Variants in TRMT2A observed in about 807,000 individuals in gnomAD.
The protein encoded by TRMT2A is tRNA (uracil-5-)-methyltransferase homolog A.
In TRMT2A, 60 loss-of-function variants were observed where a neutral mutation model predicts 59.3. The ratio of observed to expected loss-of-function variants is 1.01; its 90% CI spans 0.82 to 1.26. The LOEUF (loss-of-function observed/expected upper bound fraction) is 1.26. Among genes scored for constraint, TRMT2A ranks in the 50% most tolerant of loss-of-function variants. TRMT2A has a pLI of 0.00. For missense variants in TRMT2A, 863 were observed against 845.2 expected, an observed-to-expected ratio of 1.02 and a Z score of -0.26; for synonymous variants, 403 against 353.7, an observed-to-expected ratio of 1.14 and a Z score of -1.56.
chr22:20,112,296 C>T lies in TRMT2A; in HGVS notation c.*267G>A, dbSNP rs994842068. ...AGACCCCTGGCTCTCATCACAGAAACACCCTTTGTTGAGCAGTTGTTTATT... is the reference window on the plus strand; with the variant it reads ...AGACCCCTGGCTCTCATCACAGAAATACCCTTTGTTGAGCAGTTGTTTATT... On this transcript the variant is annotated 3_prime_UTR_variant, in exon 12 of 12. Coordinates refer to ENST00000252136, the MANE Select transcript of TRMT2A (RefSeq NM_022727.6). The T allele has an allele frequency of 1.9e-6, 1 of 519,272 alleles. No homozygotes were observed. The highest frequency in any genetic ancestry group is 3.4e-6 in the Non-Finnish European group (1 of 293,916). The allele number at this position is 519,272 out of a possible 1,614,324, so 32.2% of individuals were successfully genotyped here. A position where few individuals can be genotyped will look rare whatever the true frequency, so the allele number is the denominator to read the frequency against.
At chr22:20,115,574 G>A (rs769848054) in intron 3 of TRMT2A, 98 bp downstream of exon 3, 30 of 1,565,648 alleles carry the variant, frequency 1.9e-5, no homozygotes, top group African/African-American at 4.1e-5. Flanking sequence ...GTTACCAGAA[G>A]AAAACACAAA....
In TRMT2A at chr22:20,113,767, C is replaced by T. The variant is rs2049922066; in HGVS notation, c.1275G>A (p.Gln425=). The T allele has an allele frequency of 6.2e-7, 1 of 1,609,056 alleles. No individual in the cohort carries two copies. Among genetic ancestry groups the T allele is most frequent in the Admixed American group, 1.7e-5 (1 of 59,816 alleles). ...PAAEVLYTVI[Q]DWAQLDAGSM... is the part of the protein sequence containing the mutation. ...TCCCCGCATCCAATTGGGCCCAGTC[C>T]TGGATGACTGTGTAGAGCACCTCGG... The change falls in exon 8 of 12, where the codon CAG becomes CAA. Residue 425 remains glutamine, a synonymous_variant. Coordinates refer to ENST00000252136, the MANE Select transcript of TRMT2A (RefSeq NM_022727.6).
At chr22:20,116,667 C>T (rs2050032940) in intron 1 of TRMT2A, 55 bp from the exon 2 acceptor site, 2 of 1,504,964 alleles carry the variant, frequency 1.3e-6, no homozygotes, top group South Asian at 2.7e-5. Context: ...GGGGCCTGGC[C>T]CCCCAAGCTT....
chr22:20,115,270 T>A lies in TRMT2A; in HGVS notation c.886A>T (p.Ile296Phe). Residue 296 changes from isoleucine (I) to phenylalanine (F), a missense_variant, in exon 4 of 12, where the codon ATC becomes TTC. Coordinates refer to ENST00000252136, the MANE Select transcript of TRMT2A (RefSeq NM_022727.6). ...KQVVKAFQEF[I>F]RSTPYSAYDP... ...AGCCCCGTCACAGGTCCTCACCGGA[T>A]GAACTCCTGGAAGGCCTTCACCACC... 4.3e-6 allele frequency: 7 copies of A among 1,611,444 alleles called. No homozygotes were observed. Among genetic ancestry groups the A allele is most frequent in the Non-Finnish European group, 4.2e-6 (5 of 1,178,784 alleles).
chr22:20,115,956 C>T (rs930454146), intron 2 of TRMT2A, 82 bp downstream of exon 2: 26 of 1,485,414 alleles, frequency 1.8e-5, no homozygotes, highest in Middle Eastern at 1.9e-4. Context: ...TGCTGGGCCT[C>T]CCAACTGGTG....
At chr22:20,113,930 G>C (rs372236614) in intron 7 of TRMT2A, 122 bp from the exon 8 acceptor site, 1 of 1,321,430 alleles carries the variant, frequency 7.6e-7, no homozygotes, top group Non-Finnish European at 1.0e-6. Flanking sequence ...TCCCCACCTT[G>C]GTGCCCAACG....
Position 20,115,381 on chromosome 22 carries a change from C to A in TRMT2A, c.775G>T (p.Gly259Cys). The A allele has an allele frequency of 1.2e-6, 2 of 1,612,804 alleles. No homozygotes were observed. Among genetic ancestry groups the A allele is most frequent in the Non-Finnish European group, 1.7e-6 (2 of 1,180,000 alleles). The stretch of plus-strand genomic sequence containing the variant: ...CCCTTGTACTTGCCGAGCCGACAGC[C>A]CACGGTGTTATCCTCCCCATCCACC... ...VGVDGEDNTV[G>C]CRLGKYKGGT... Residue 259 changes from glycine to cysteine, a missense_variant, in exon 4 of 12, where the codon GGC becomes TGC. Gly to Cys is a radical substitution (Grantham distance 159, BLOSUM62 -3). Transcript: ENST00000252136.
In TRMT2A at chr22:20,115,328, A is replaced by G. The variant is rs1411244578; in HGVS notation, c.828T>C (p.Phe276=). ...TGGCTTCGGGGATGTGCACGGTGTC[A>G]AACGGGGCTGCCACAGCACACGTCC... is the stretch of plus-strand genomic sequence containing the variant. ...KGGTCAVAAP[F]DTVHIPEATK... The change falls in exon 4 of 12, where the codon TTT becomes TTC. Residue 276 remains phenylalanine, a synonymous_variant. Transcript: ENST00000252136. The G allele has an allele frequency of 6.2e-7, 1 of 1,612,804 alleles. No homozygotes were observed. Among genetic ancestry groups the G allele is most frequent in the Admixed American group, 1.7e-5 (1 of 60,024 alleles).
intron 3 of TRMT2A, 26 bp from the exon 4 acceptor site, chr22:20,115,473 A>ACC: frequency 3.8e-6 from 6 of 1,591,226 alleles, no homozygotes; most frequent in Non-Finnish European, 5.1e-6. Flanking sequence ...GCTGCACCTT[A>ACC]CCCTGGCTGC....
chr22:20,115,649 T>G, intron 3 of TRMT2A, 23 bp downstream of exon 3: 1 of 1,611,382 alleles, frequency 6.2e-7, no homozygotes, highest in Admixed American at 1.7e-5. Context: ...TAGGGGTTTG[T>G]GGCCACCGAA....
In TRMT2A at chr22:20,112,701, A is replaced by G; in HGVS notation, c.1740T>C (p.Cys580=). 5.0e-6 allele frequency: 8 copies of G among 1,614,010 alleles called. No homozygotes were observed. The highest frequency in any genetic ancestry group is 6.8e-6 in the Non-Finnish European group (8 of 1,180,026). Residue 580 remains cysteine (C), a synonymous_variant, in exon 12 of 12, where the codon TGT becomes TGC. Transcript: ENST00000252136. ...CCCTCTCAAACAGGATGAGCATCTC[A>G]CAGTGCGGGGTCTGCGGGAACAGGT... ...AVDLFPQTPH[C]EMLILFERVE...
chr22:20,114,660 G>T lies in TRMT2A; in HGVS notation c.1147C>A (p.Pro383Thr). 1 of 1,613,742 alleles carries T rather than the reference G, an allele frequency of 6.2e-7. No homozygotes were observed. Among genetic ancestry groups the T allele is most frequent in the Non-Finnish European group, 8.5e-7 (1 of 1,180,004 alleles). Residue 383 changes from proline to threonine, a missense_variant, in exon 7 of 12, where the codon CCC becomes ACC. Pro to Thr is a conservative substitution (Grantham distance 38). Coordinates refer to ENST00000252136, the MANE Select transcript of TRMT2A (RefSeq NM_022727.6). ...CGGTCCCCAGCCACATGCTCCAGGG[G>T]CAGGCCCTCCTGGCTAGGAGTCTTT... ...QRKTPSQEGLPLEHVAGDRCI... is the reference protein window; with the variant it reads ...QRKTPSQEGLTLEHVAGDRCI...
Position 20,113,756 on chromosome 22 carries a change from TG to T in TRMT2A, c.1285del (p.Gln429AsnfsTer26), listed in dbSNP as rs1252560635. 1 of 1,609,684 alleles carries T rather than the reference TG, an allele frequency of 6.2e-7. No homozygotes were observed. The highest frequency in any genetic ancestry group is 8.5e-7 in the Non-Finnish European group (1 of 1,178,812). On this transcript the variant is annotated frameshift_variant, in exon 8 of 12. Transcript: ENST00000252136. LOFTEE classifies it high-confidence loss of function. ...VLYTVIQDWA[Q>X]LDAGSMVLDV... ...CAGCACCATGCTCCCCGCATCCAAT[TG>T]GGCCCAGTCCTGGATGACTGTGTAG...
rs117767033 is a variant in TRMT2A at position 20,113,710 on chromosome 22, G to T, written c.1332C>A (p.Gly444=). 6.2e-7 allele frequency: 1 copy of T among 1,603,190 alleles called. No homozygotes were observed. The highest frequency in any genetic ancestry group is 1.1e-5 in the South Asian group (1 of 89,888). ...CCCGGGCCAGGGCCAGGCCAATGGTGCCGGTGCCACAGCACACGTCCAGCA... is the reference window on the plus strand; with the variant it reads ...CCCGGGCCAGGGCCAGGCCAATGGTTCCGGTGCCACAGCACACGTCCAGCA... ...SMVLDVCCGT[G]TIGLALARKV... The change falls in exon 8 of 12, where the codon GGC becomes GGA. Residue 444 remains glycine, a synonymous_variant. Coordinates refer to ENST00000252136, the MANE Select transcript of TRMT2A (RefSeq NM_022727.6).
At chr22:20,116,823 A>ACCCCCCCCCCCCCCC in intron 1 of TRMT2A, 60 bp downstream of exon 1, 1 of 1,294,022 alleles carries the variant, frequency 7.7e-7, no homozygotes, top group Non-Finnish European at 1.1e-6. Flanking sequence ...AGGTTTCCTG[A>ACCCCCCCCCCCCCCC]CCCACCCCGC....
At position 20,113,143 on chromosome 22, in the gene TRMT2A, G is replaced by C; in HGVS notation, c.1524C>G (p.Ile508Met). 6.2e-7 allele frequency: 1 copy of C among 1,602,416 alleles called. No individual in the cohort carries two copies. The highest frequency in any genetic ancestry group is 8.5e-7 in the Non-Finnish European group (1 of 1,173,420). ...SRLASQHLVA[I>M]LDPPRAGLHS... ...GCAAGCCAGCACGGGGTGGGTCCAG[G>C]ATGGCCACGAGGTGCTGGGAGGCCA... is the stretch of plus-strand genomic sequence containing the variant. Residue 508 changes from isoleucine to methionine, a missense_variant, in exon 10 of 12, where the codon ATC becomes ATG. Transcript: ENST00000252136.
At position 20,113,679 on chromosome 22, in the gene TRMT2A, G is replaced by A. The variant is rs2044075428; in HGVS notation, c.1356+7C>T. The A allele has an allele frequency of 1.3e-6, 2 of 1,592,982 alleles. No homozygotes were observed. Among genetic ancestry groups the A allele is most frequent in the Non-Finnish European group, 1.7e-6 (2 of 1,169,566 alleles). On this transcript the variant is annotated splice_region_variant and intron_variant, in intron 8 of 11. Transcript: ENST00000252136. ...GAGGGTGCCCTCAGCAGGGCAGGAGGGCTCACCCGGGCCAGGGCCAGGCCA... is the reference window on the plus strand; with the variant it reads ...GAGGGTGCCCTCAGCAGGGCAGGAGAGCTCACCCGGGCCAGGGCCAGGCCA...
rs943830872 is a variant in TRMT2A at position 20,112,454 on chromosome 22, G to A, written c.*109C>T. On this transcript the variant is annotated 3_prime_UTR_variant, in exon 12 of 12. Coordinates refer to ENST00000252136, the MANE Select transcript of TRMT2A (RefSeq NM_022727.6). The stretch of plus-strand genomic sequence containing the variant: ...CAATCCTGGTGGGGCACAGGGTTCT[G>A]TGCCCTTTGGCTGCCTACCTCTGAA... The A allele has an allele frequency of 1.5e-6, 2 of 1,375,294 alleles. No homozygotes were observed. Among genetic ancestry groups the A allele is most frequent in the Non-Finnish European group, 2.0e-6 (2 of 1,023,812 alleles). The allele number at this position is 1,375,294 out of a possible 1,614,324, so 85.2% of individuals were successfully genotyped here.
In TRMT2A at chr22:20,112,975, T is replaced by C; in HGVS notation, c.1582A>G (p.Lys528Glu). Residue 528 changes from lysine (K) to glutamate (E), a missense_variant, in exon 11 of 12, where the codon AAG (lysine) becomes GAG (glutamate). Lys to Glu is a moderately conservative substitution (Grantham distance 56). Transcript: ENST00000252136. ...SKVILAIRRAKNLRRLLYVSC... is the reference protein window; with the variant it reads ...SKVILAIRRAENLRRLLYVSC... ...ACGTACAGCAGCCGCCTGAGGTTCT[T>C]AGCTCTCCGGATGGCCAGGATCACC... 3.7e-6 allele frequency: 6 copies of C among 1,613,790 alleles called. No individual in the cohort carries two copies. Among genetic ancestry groups the C allele is most frequent in the Non-Finnish European group, 5.1e-6 (6 of 1,179,988 alleles).
Sources: allele counts gnomAD v4.1 joint callset, GRCh38; gene constraint gnomAD v4.1.1; transcripts MANE v1.5; gene names NCBI Gene and HGNC (gene_info 2026-07-23, HGNC 2026-07-21).